ANO4: variants seen among roughly 807,000 people sequenced by gnomAD.
The protein encoded by ANO4 is anoctamin-4.
Under a neutral mutation model 141.9 loss-of-function variants are expected in ANO4, and 69 were observed. The observed-to-expected ratio is 0.49, with a 90% CI of 0.40 to 0.59. The LOEUF (loss-of-function observed/expected upper bound fraction) is 0.59, where lower values mean the gene tolerates loss of function less well. ANO4 is among the 20% of genes least tolerant of loss of function. The pLI, the probability that ANO4 is intolerant of heterozygous loss-of-function variation, is 0.00. For synonymous variants in ANO4, 350 were observed against 394.3 expected, an observed-to-expected ratio of 0.89 and a Z score of 1.33; for missense variants, 894 against 1,162.2, an observed-to-expected ratio of 0.77 and a Z score of 3.36.
At chr12:100,908,446 T>G (rs2040945941) in intron 2 of ANO4, among the ~76,000 whole-genome samples, 1 of 152,220 alleles carries the variant, frequency 6.6e-6, no homozygotes, top group Non-Finnish European at 1.5e-5. Flanking sequence ...CGAGTATTGG[T>G]TGAAAATATA....
intron 9 of ANO4, 88 bp downstream of exon 9, chr12:101,020,228 C>A: frequency 1.1e-6 from 1 of 874,490 alleles, no homozygotes; most frequent in Non-Finnish European, 1.8e-6. Context: ...TGTATCAATT[C>A]TAGCAATGCT....
chr12:100,997,150 A>G lies in ANO4; in HGVS notation c.734+9480A>G, dbSNP rs113679795. On this transcript the variant is annotated intron_variant, in intron 8 of 27. Transcript: ENST00000392977. ...GCAGTTTGAGACCAGCCTGGCCAAC[A>G]TGGTGAAACCCTGCCTCTACTAAAA... Among the ~76,000 whole-genome samples, 848 of 152,170 alleles carry G rather than the reference A, an allele frequency of 5.6e-3. 5 individuals are homozygous for G. The highest frequency in any genetic ancestry group is 0.016 in the South Asian group (78 of 4,796).
chr12:100,956,143 G>A (rs748048920), intron 5 of ANO4, among the ~76,000 whole-genome samples: 1 of 152,146 alleles, frequency 6.6e-6, no homozygotes, highest in Non-Finnish European at 1.5e-5. Context: ...ATATCATTTA[G>A]CCTCTTTACA....
intron 8 of ANO4, among the ~76,000 whole-genome samples, chr12:101,005,854 T>C (rs1016605591): frequency 1.3e-5 from 2 of 152,184 alleles, no homozygotes; most frequent in African/African-American, 4.8e-5. Context: ...TACTTTTTTC[T>C]CTTACTTTTT....
intron 1 of ANO4, among the ~76,000 whole-genome samples, chr12:100,868,070 G>T (rs1231281761): frequency 6.6e-6 from 1 of 152,154 alleles, no homozygotes; most frequent in East Asian, 1.9e-4. Context: ...CCATTTGAAT[G>T]GTGTACCACA....
At chr12:100,966,140 T>G (rs1466621384) in intron 5 of ANO4, among the ~76,000 whole-genome samples, 1 of 152,176 alleles carries the variant, frequency 6.6e-6, no homozygotes, top group Non-Finnish European at 1.5e-5. Context: ...AATACTGGTT[T>G]CTTATTTATT....
At chr12:100,723,521 G>C (rs1181505936) in intron 1 of ANO4, among the ~76,000 whole-genome samples, 1 of 152,126 alleles carries the variant, frequency 6.6e-6, no homozygotes, top group Non-Finnish European at 1.5e-5. Context: ...GAAGATAGAA[G>C]AGATAGAGAT....
chr12:101,118,843 A>G (rs1363259616), intron 25 of ANO4, among the ~76,000 whole-genome samples: 1 of 150,794 alleles, frequency 6.6e-6, no homozygotes, highest in Admixed American at 6.6e-5. Context: ...CATTAGGTAT[A>G]TCTCCTAATG....
intron 1 of ANO4, among the ~76,000 whole-genome samples, chr12:100,719,642 G>A (rs998350344): frequency 6.6e-6 from 1 of 152,012 alleles, no homozygotes; most frequent in African/African-American, 2.4e-5. Context: ...TTTAGCACAG[G>A]GGCTGCCAAG....
intron 1 of ANO4, among the ~76,000 whole-genome samples, chr12:100,876,295 A>C: frequency 6.6e-6 from 1 of 151,510 alleles, no homozygotes; most frequent in East Asian, 1.9e-4. Flanking sequence ...AAAAAAAAAA[A>C]ACAGTGGGAA....
At chr12:100,979,536 C>T (rs1566083240) in intron 7 of ANO4, among the ~76,000 whole-genome samples, 1 of 151,902 alleles carries the variant, frequency 6.6e-6, no homozygotes, top group African/African-American at 2.4e-5. Flanking sequence ...GAATCAGAGG[C>T]AATGAGGGTT....
At chr12:100,890,383 A>G (rs914187174) in intron 1 of ANO4, among the ~76,000 whole-genome samples, 5 of 152,186 alleles carry the variant, frequency 3.3e-5, no homozygotes, top group Non-Finnish European at 1.5e-5. Flanking sequence ...AGTATGTCTT[A>G]TCATTTTCTT....
At chr12:101,101,379 A>G (rs1315187856) in intron 22 of ANO4, among the ~76,000 whole-genome samples, 2 of 152,292 alleles carry the variant, frequency 1.3e-5, no homozygotes, top group African/African-American at 2.4e-5. Context: ...TTATTGCTGT[A>G]TAGTATTCCT....
chr12:101,116,807 G>A lies in ANO4; in HGVS notation c.2570+9G>A. ...CCTCTTAAGTACTGCAGGTGAGTGTGGCACCCAGCGTGGCTCTGCCTGAGC... is the reference window on the plus strand; with the variant it reads ...CCTCTTAAGTACTGCAGGTGAGTGTAGCACCCAGCGTGGCTCTGCCTGAGC... On this transcript the variant is annotated intron_variant, in intron 25 of 27. Transcript: ENST00000392977. 6.2e-7 allele frequency: 1 copy of A among 1,614,038 alleles called. No homozygotes were observed. Among genetic ancestry groups the A allele is most frequent in the South Asian group, 1.1e-5 (1 of 91,070 alleles).
At chr12:101,116,343 ATG>A (rs1423872648) in intron 24 of ANO4, among the ~76,000 whole-genome samples, 1 of 152,222 alleles carries the variant, frequency 6.6e-6, no homozygotes, top group Admixed American at 6.5e-5. Context: ...AACTGTGTTT[ATG>A]TGTATCATCA....
intron 25 of ANO4, among the ~76,000 whole-genome samples, chr12:101,118,111 A>G (rs1382601934): frequency 1.3e-5 from 2 of 152,066 alleles, no homozygotes; most frequent in African/African-American, 4.8e-5. Context: ...TCTTCAGTAG[A>G]TTTCCCACTT....
At chr12:100,946,717 A>G (rs557734147) in intron 5 of ANO4, among the ~76,000 whole-genome samples, 105 of 152,366 alleles carry the variant, frequency 6.9e-4, no homozygotes, top group Non-Finnish European at 1.4e-3. Context: ...AGAGATACAC[A>G]TTTGAATGAG....
rs73379480 is a variant in ANO4, at chr12:101,091,339, C to A, written c.1702-2917C>A. On this transcript the variant is annotated intron_variant, in intron 17 of 27. Transcript: ENST00000392977. ...CTTTGTGCAGGGGCCAGTTATCTTA[C>A]CCTCCTCAGCTATCTGTGATGATGT... Among the ~76,000 whole-genome samples, 758 of 152,252 alleles carry A rather than the reference C, an allele frequency of 5.0e-3. 9 individuals are homozygous for A. The highest frequency in any genetic ancestry group is 0.018 in the African/African-American group (731 of 41,556).
At chr12:100,724,040 A>C (rs1418748804) in intron 1 of ANO4, among the ~76,000 whole-genome samples, 2 of 152,064 alleles carry the variant, frequency 1.3e-5, no homozygotes, top group African/African-American at 2.4e-5. Flanking sequence ...AAAAAACAAA[A>C]AAACCTTGCC....
Sources: gnomAD v4.1 joint callset for allele counts (sites outside exome capture counted in the v4.1 genomes callset) on GRCh38, gnomAD v4.1.1 for gene constraint, MANE v1.5 for transcripts, NCBI Gene and HGNC (gene_info 2026-07-23, HGNC 2026-07-21) for gene names.